The following PRKAR1B variants were observed in gnomAD, a reference collection of about 807,000 sequenced individuals.
The protein encoded by PRKAR1B is cAMP-dependent protein kinase type I-beta regulatory subunit.
Under a neutral mutation model 46.5 loss-of-function variants are expected in PRKAR1B, and 22 were observed. That is an observed-to-expected ratio of 0.47 (90% CI 0.34 to 0.68). PRKAR1B has a LOEUF of 0.68. Among genes scored for constraint, PRKAR1B ranks in the 30% least tolerant of loss-of-function variants. The pLI is 0.01. For missense variants in PRKAR1B, 445 were observed against 535.6 expected, an observed-to-expected ratio of 0.83 and a Z score of 1.67; for synonymous variants, 259 against 217.7, an observed-to-expected ratio of 1.19 and a Z score of -1.67.
chr7:704,700 G>T (rs891442206), intron 2 of PRKAR1B, among the ~76,000 whole-genome samples: 1 of 151,792 alleles, frequency 6.6e-6, no homozygotes, highest in Non-Finnish European at 1.5e-5. Context: ...ACCCAGGAGG[G>T]GCGGGTTGCA....
intron 4 of PRKAR1B, among the ~76,000 whole-genome samples, chr7:676,723 G>A (rs1231409695): frequency 6.6e-6 from 1 of 152,218 alleles, no homozygotes; most frequent in Non-Finnish European, 1.5e-5. Flanking sequence ...GGCGCCGAGC[G>A]TTCTGTATTC....
chr7:707,387 G>A (rs1228773131), intron 2 of PRKAR1B, among the ~76,000 whole-genome samples: 1 of 151,986 alleles, frequency 6.6e-6, no homozygotes, highest in Non-Finnish European at 1.5e-5. Flanking sequence ...CAACCCTTTC[G>A]ACAAAAATGG....
chr7:699,847 A>C (rs1403593854), intron 2 of PRKAR1B, among the ~76,000 whole-genome samples: 1 of 152,182 alleles, frequency 6.6e-6, no homozygotes, highest in Non-Finnish European at 1.5e-5. Flanking sequence ...GAAGGTTTTA[A>C]GAAGGGGGAG....
intron 9 of PRKAR1B, among the ~76,000 whole-genome samples, chr7:569,432 C>G (rs1779370663): frequency 6.6e-6 from 1 of 152,218 alleles, no homozygotes; most frequent in Non-Finnish European, 1.5e-5. Flanking sequence ...GAAGCTCTCC[C>G]CGGCCCCCAA....
At chr7:670,032 A>AT (rs897266810) in intron 4 of PRKAR1B, among the ~76,000 whole-genome samples, 48 of 149,496 alleles carry the variant, frequency 3.2e-4, no homozygotes, top group African/African-American at 9.3e-4. Flanking sequence ...CGCCCAGCTG[A>AT]TTTTTTTTTG....
intron 4 of PRKAR1B, among the ~76,000 whole-genome samples, chr7:610,984 G>C (rs1782447400): frequency 6.6e-6 from 1 of 152,186 alleles, no homozygotes; most frequent in Non-Finnish European, 1.5e-5. Flanking sequence ...AGAAAAACAC[G>C]AAGACATTCC....
At chr7:595,756 C>T (rs1781237430) in intron 7 of PRKAR1B, among the ~76,000 whole-genome samples, 6 of 152,258 alleles carry the variant, frequency 3.9e-5, no homozygotes, top group Admixed American at 3.9e-4. Context: ...AGTCCCCACA[C>T]ACAGGAAGCC....
At chr7:695,830 AT>A (rs1779705519) in intron 2 of PRKAR1B, among the ~76,000 whole-genome samples, 1 of 151,248 alleles carries the variant, frequency 6.6e-6, no homozygotes, top group South Asian at 2.1e-4. Flanking sequence ...TGCCCGGCTA[AT>A]TTTTTTGTAT....
rs2079618900 is a variant in PRKAR1B, at chr7:570,235, G to A, written c.891+9021C>T. 2.6e-5 allele frequency among the ~76,000 whole-genome samples: 4 copies of A among 152,328 alleles called. No individual in the cohort carries two copies. In the South Asian group the frequency reaches 6.2e-4, roughly 24 times the overall value. On this transcript the variant is annotated intron_variant, in intron 9 of 10. Transcript: ENST00000537384. ...CTCCTAGGCCTCCGGAAGGTTGACC[G>A]CAGGCTCGTGGCAGGGCCCTGAGGC... is the stretch of plus-strand genomic sequence containing the variant.
chr7:637,380 G>A (rs1368475344), intron 4 of PRKAR1B, among the ~76,000 whole-genome samples: 1 of 152,016 alleles, frequency 6.6e-6, no homozygotes, highest in East Asian at 1.9e-4. Flanking sequence ...TTGCGCCACT[G>A]CACTCCAGCC....
rs1778710217 is a variant in PRKAR1B, at chr7:560,379, AT to A, written c.892-8910del. ...AATACAAATAATAATAATAATAATAATAATAATAATAAATATATTTTAAAAG... is the reference window on the plus strand; with the variant it reads ...AATACAAATAATAATAATAATAATAAAATAATAATAAATATATTTTAAAAG... On this transcript the variant is annotated intron_variant, in intron 9 of 10. Transcript: ENST00000537384. The surrounding 1 kb of genome is among the most constrained non-coding windows in gnomAD (Gnocchi z 4.2). Among the ~76,000 whole-genome samples, 8 of 149,536 alleles carry A rather than the reference AT, an allele frequency of 5.3e-5. No individual in the cohort carries two copies. The highest frequency in any genetic ancestry group is 7.4e-5 in the Non-Finnish European group (5 of 67,368).
chr7:625,469 C>T (rs1309138080), intron 4 of PRKAR1B, among the ~76,000 whole-genome samples: 2 of 152,334 alleles, frequency 1.3e-5, no homozygotes, highest in South Asian at 2.1e-4. Context: ...GCAGCCAAAG[C>T]ATCTCTAACT....
intron 9 of PRKAR1B, among the ~76,000 whole-genome samples, chr7:561,195 A>C (rs928624112): frequency 6.6e-6 from 1 of 150,584 alleles, no homozygotes; most frequent in Non-Finnish European, 1.5e-5. Flanking sequence ...ATGCACACAC[A>C]CCCCACACAC....
chr7:594,091 G>A (rs1279628516), intron 7 of PRKAR1B, among the ~76,000 whole-genome samples: 5 of 152,070 alleles, frequency 3.3e-5, no homozygotes, highest in Admixed American at 2.6e-4. Context: ...CCCAGCTCAC[G>A]GGGCTCCATC....
chr7:550,466 A>T lies in PRKAR1B; in HGVS notation c.1110T>A (p.Ile370=), dbSNP rs764726112. ...GPCSEILKRN[I]QRYNSFISLT... ...GGGAGATGAAGCTGTTGTAACGCTG[A>T]ATGTTCCTCTTGAGGATCTCAGAGC... Residue 370 remains isoleucine (I), a synonymous_variant, in exon 11 of 11, where the codon ATT becomes ATA. Coordinates refer to ENST00000537384, the MANE Select transcript of PRKAR1B (RefSeq NM_001164760.2). 6.3e-6 allele frequency: 10 copies of T among 1,597,226 alleles called. No homozygotes were observed. The highest frequency in any genetic ancestry group is 2.7e-5 in the African/African-American group (2 of 74,590).
intron 9 of PRKAR1B, among the ~76,000 whole-genome samples, chr7:553,431 A>T (rs1414048761): frequency 6.6e-6 from 1 of 152,206 alleles, no homozygotes; most frequent in Admixed American, 6.5e-5. Flanking sequence ...GCAGAAGTGC[A>T]GCACCTGCGT....
At chr7:572,190 G>A (rs1056597534) in intron 9 of PRKAR1B, among the ~76,000 whole-genome samples, 1 of 152,186 alleles carries the variant, frequency 6.6e-6, no homozygotes, top group African/African-American at 2.4e-5. Context: ...CACAGGGTGC[G>A]GTGGGTACCA....
chr7:552,770 C>G (rs908022144), intron 9 of PRKAR1B, among the ~76,000 whole-genome samples: 4 of 152,250 alleles, frequency 2.6e-5, no homozygotes, highest in Non-Finnish European at 5.9e-5. Flanking sequence ...ACAGGGCTGC[C>G]GGTCTCCAAG....
chr7:573,964 G>A (rs1448732265), intron 9 of PRKAR1B, among the ~76,000 whole-genome samples: 2 of 152,252 alleles, frequency 1.3e-5, no homozygotes, highest in South Asian at 2.1e-4. Flanking sequence ...TGCGTGGGGG[G>A]CTCCCAGGAC....
Sources: allele counts gnomAD v4.1 joint callset (sites outside exome capture counted in the v4.1 genomes callset), GRCh38; gene constraint gnomAD v4.1.1; non-coding constraint Gnocchi (gnomAD v3.1); transcripts MANE v1.5; gene names NCBI Gene and HGNC (gene_info 2026-07-23, HGNC 2026-07-21).